GCNT2: variants seen among roughly 807,000 people sequenced by gnomAD.
The protein encoded by GCNT2 is N-acetyllactosaminide beta-1,6-N-acetylglucosaminyl-transferase.
A neutral mutation model predicts 34.2 loss-of-function variants in GCNT2; 34 were observed. The observed-to-expected ratio is 1.00, with a 90% CI of 0.76 to 1.32. The LOEUF (loss-of-function observed/expected upper bound fraction) is 1.32. Among genes scored for constraint, GCNT2 ranks in the 40% most tolerant of loss-of-function variants. GCNT2 has a pLI of 0.00. For synonymous variants in GCNT2, 212 were observed against 188.0 expected (o/e 1.13, Z -1.04); for missense variants, 584 against 489.4 (o/e 1.19, Z -1.82).
chr6:10,530,580 C>G (rs1232705497), intron 3 of GCNT2, among the ~76,000 whole-genome samples: 1 of 151,490 alleles, frequency 6.6e-6, no homozygotes, highest in African/African-American at 2.4e-5. Flanking sequence ...AATCAAAAAT[C>G]TAAAGCATGG....
At chr6:10,580,748 C>T (rs1204222051) in intron 3 of GCNT2, among the ~76,000 whole-genome samples, 2 of 152,166 alleles carry the variant, frequency 1.3e-5, no homozygotes, top group African/African-American at 2.4e-5. Flanking sequence ...CCTTTGTAAA[C>T]TCACCTGCAG....
At chr6:10,561,247 C>T (rs1214206424) in intron 3 of GCNT2, among the ~76,000 whole-genome samples, 1 of 152,292 alleles carries the variant, frequency 6.6e-6, no homozygotes, top group African/African-American at 2.4e-5. Flanking sequence ...ACCGCAACCT[C>T]CGCCTCCTGG....
intron 3 of GCNT2, among the ~76,000 whole-genome samples, chr6:10,578,446 T>A: frequency 1.2e-5 from 1 of 85,890 alleles, no homozygotes; most frequent in Non-Finnish European, 2.3e-5. Flanking sequence ...GCTTACATTC[T>A]TTTTTTTTTT....
At chr6:10,567,858 A>C (rs565756011) in intron 3 of GCNT2, among the ~76,000 whole-genome samples, 27 of 152,204 alleles carry the variant, frequency 1.8e-4, no homozygotes, top group Non-Finnish European at 3.7e-4. Flanking sequence ...CTCAGCCGAA[A>C]CCTCAAGATA....
intron 3 of GCNT2, among the ~76,000 whole-genome samples, chr6:10,551,783 G>A (rs997602190): frequency 6.7e-6 from 1 of 149,022 alleles, no homozygotes; most frequent in Non-Finnish European, 1.5e-5. Context: ...TTGAGACGCA[G>A]TTTCGCTCTT....
intron 3 of GCNT2, among the ~76,000 whole-genome samples, chr6:10,584,798 A>G (rs1449643274): frequency 6.6e-6 from 1 of 152,214 alleles, no homozygotes; most frequent in African/African-American, 2.4e-5. Context: ...GGTTGGGACA[A>G]AAGTTACAGA....
chr6:10,526,322 C>G (rs974248029), intron 1 of GCNT2, among the ~76,000 whole-genome samples: 1 of 152,136 alleles, frequency 6.6e-6, no homozygotes, highest in Non-Finnish European at 1.5e-5. Flanking sequence ...TCACTGTGTT[C>G]TAGAGAATTT....
In GCNT2 at chr6:10,587,172, T is replaced by C. The variant is rs115633020; in HGVS notation, c.926-34179T>C. ...TAGTTGCTGAATTTTAACTGTTGTT[T>C]GAATTAATACTTTTCGTAGTCCTTG... On this transcript the variant is annotated intron_variant, in intron 3 of 4. Coordinates refer to ENST00000495262, the MANE Select transcript of GCNT2 (RefSeq NM_145649.5). Among the ~76,000 whole-genome samples, 1,478 of 152,358 alleles carry C rather than the reference T, an allele frequency of 9.7e-3. 14 individuals carry two copies. The highest frequency in any genetic ancestry group is 0.016 in the Non-Finnish European group (1,066 of 68,034).
chr6:10,563,777 A>T (rs6456543), intron 3 of GCNT2, among the ~76,000 whole-genome samples: 6,228 of 22,812 alleles, frequency 0.27, 588 homozygotes, highest in Non-Finnish European at 0.36. Context: ...AAAAAAAAAA[A>T]ATATATATAT....
At chr6:10,600,812 G>T (rs1205668586) in intron 3 of GCNT2, among the ~76,000 whole-genome samples, 1 of 151,890 alleles carries the variant, frequency 6.6e-6, no homozygotes, top group African/African-American at 2.4e-5. Context: ...TGTTGCCCAG[G>T]CTGGAGTGCA....
At position 10,598,000 on chromosome 6, in the gene GCNT2, A is replaced by C. The variant is rs150150337; in HGVS notation, c.926-23351A>C. On this transcript the variant is annotated intron_variant, in intron 3 of 4. Coordinates refer to ENST00000495262, the MANE Select transcript of GCNT2 (RefSeq NM_145649.5). ...ACCCACACTATACAATTCTGTTCTA[A>C]ATTTTAACCTTTGTCTGTAGATAAC... Among the ~76,000 whole-genome samples the C allele has an allele frequency of 2.1e-3, 323 of 152,282 alleles. 1 individual carries two copies. The highest frequency in any genetic ancestry group is 7.2e-3 in the African/African-American group (301 of 41,558).
At chr6:10,539,771 G>C (rs2113577493) in intron 3 of GCNT2, among the ~76,000 whole-genome samples, 1 of 152,294 alleles carries the variant, frequency 6.6e-6, no homozygotes, top group Non-Finnish European at 1.5e-5. Flanking sequence ...GAAAGCATAA[G>C]GTCTAATTTT....
intron 3 of GCNT2, among the ~76,000 whole-genome samples, chr6:10,609,654 C>T (rs1474668225): frequency 1.3e-5 from 2 of 152,102 alleles, no homozygotes; most frequent in Non-Finnish European, 2.9e-5. Flanking sequence ...TGGGTCTGGC[C>T]AGGGTTATAA....
At chr6:10,582,583 CTA>C (rs1393528071) in intron 3 of GCNT2, among the ~76,000 whole-genome samples, 1 of 115,132 alleles carries the variant, frequency 8.7e-6, no homozygotes, top group Non-Finnish European at 2.0e-5. Flanking sequence ...TATATATAAA[CTA>C]TATATAAAAT....
intron 3 of GCNT2, among the ~76,000 whole-genome samples, chr6:10,542,517 A>G (rs548133867): frequency 1.3e-5 from 2 of 152,284 alleles, no homozygotes; most frequent in South Asian, 2.1e-4. Flanking sequence ...CCTCATGACC[A>G]CTTCCCATTT....
At chr6:10,621,316 C>A in intron 3 of GCNT2, 35 bp from the exon 4 acceptor site, 1 of 1,350,644 alleles carries the variant, frequency 7.4e-7, no homozygotes, top group African/African-American at 1.4e-5. Flanking sequence ...TCTCATGACT[C>A]TCATCTCTAC....
intron 3 of GCNT2, 122 bp downstream of exon 3, chr6:10,529,958 TA>T (rs200010522): frequency 7.6e-4 from 599 of 791,378 alleles, no homozygotes; most frequent in Non-Finnish European, 8.9e-4. Context: ...AATGTCAAAT[TA>T]AAAAAAAAAT....
intron 3 of GCNT2, among the ~76,000 whole-genome samples, chr6:10,538,587 A>G (rs1761891294): frequency 1.3e-5 from 2 of 151,714 alleles, no homozygotes; most frequent in South Asian, 2.1e-4. Context: ...TTAGTTGCTG[A>G]AAGTCATAAA....
At chr6:10,551,871 C>T (rs1175001376) in intron 3 of GCNT2, among the ~76,000 whole-genome samples, 1 of 152,090 alleles carries the variant, frequency 6.6e-6, no homozygotes, top group Non-Finnish European at 1.5e-5. Context: ...GATTCTCCTG[C>T]CTCAGCCTCC....
Sources: allele counts gnomAD v4.1 joint callset (sites outside exome capture counted in the v4.1 genomes callset), GRCh38; gene constraint gnomAD v4.1.1; transcripts MANE v1.5; gene names NCBI Gene and HGNC (gene_info 2026-07-23, HGNC 2026-07-21).